DMD: variants seen among roughly 807,000 people sequenced by gnomAD.
The protein encoded by DMD is mutant dystrophin.
A neutral mutation model predicts 330.1 loss-of-function variants in DMD; 63 were observed. The ratio of observed to expected loss-of-function variants is 0.19; its 90% CI spans 0.16 to 0.24. DMD has a LOEUF of 0.24. Among genes scored for constraint, DMD ranks in the 10% least tolerant of loss-of-function variants. DMD has a pLI of 1.00. For missense variants in DMD, 3,344 were observed against 2,684.1 expected (o/e 1.25, Z -5.43); for synonymous variants, 1,223 against 959.8 (o/e 1.27, Z -5.07).
chrX:32,363,069 A>G, intron 36 of DMD, 111 bp from the exon 37 acceptor site: 2 of 659,660 alleles, frequency 3.0e-6, no homozygotes, highest in South Asian at 5.3e-5. Flanking sequence ...AGAGTGAGAA[A>G]GAGAGAGAGA....
intron 1 of DMD, among the ~76,000 whole-genome samples, chrX:33,232,464 C>T (rs983778254): frequency 6.3e-5 from 7 of 111,542 alleles, no homozygotes; most frequent in Admixed American, 4.8e-4. Context: ...TGGGAAAAAA[C>T]GGATTGGAGT....
intron 44 of DMD, among the ~76,000 whole-genome samples, chrX:32,163,363 A>T (rs2096857026): frequency 8.9e-6 from 1 of 111,886 alleles, no homozygotes; most frequent in Admixed American, 9.5e-5. Flanking sequence ...TCTGTTCTCC[A>T]CTCCGTGGCT....
chrX:31,670,848 T>TA (rs2081725439), intron 53 of DMD, among the ~76,000 whole-genome samples: 1 of 111,609 alleles, frequency 9.0e-6, no homozygotes, highest in East Asian at 2.8e-4. Flanking sequence ...CATTTGCAGA[T>TA]ACCTGGGCTC....
intron 47 of DMD, among the ~76,000 whole-genome samples, chrX:31,911,996 C>A (rs568792346): frequency 3.2e-4 from 36 of 111,619 alleles, no homozygotes; most frequent in African/African-American, 1.0e-3. Flanking sequence ...CAACAACAAA[C>A]CATTTCTTGA....
chrX:31,931,474 C>A (rs892225246), intron 46 of DMD, among the ~76,000 whole-genome samples: 2 of 110,202 alleles, frequency 1.8e-5, no homozygotes, highest in African/African-American at 3.3e-5. Flanking sequence ...GAATGTGAAC[C>A]AACACCACGT....
In DMD at chrX:32,917,997, G is replaced by C. The variant is rs990116763; in HGVS notation, c.94-68177C>G. 5.7e-5 allele frequency among the ~76,000 whole-genome samples: 6 copies of C among 105,185 alleles called. No individual in the cohort carries two copies. In the Admixed American group the frequency reaches 6.1e-4, roughly 11 times the overall value. 91.3% of individuals were successfully genotyped at this position (105,185 alleles called of 115,157 possible). On this transcript the variant is annotated intron_variant, in intron 2 of 78. Coordinates refer to ENST00000357033, the MANE Select transcript of DMD (RefSeq NM_004006.3). ...CATCTGCTAGAAAAAAAAAAAAAAA[G>C]AAAGAAAAGGGTTCACTTCCAGATC...
intron 7 of DMD, among the ~76,000 whole-genome samples, chrX:32,763,560 C>G (rs995880): frequency 0.43 from 47,647 of 110,261 alleles, 8,753 homozygotes; most frequent in African/African-American, 0.69. Context: ...AGTAACAACT[C>G]ATCATGCTCT....
chrX:31,302,951 AC>A (rs1421678624), intron 62 of DMD, among the ~76,000 whole-genome samples: 3 of 111,474 alleles, frequency 2.7e-5, no homozygotes, highest in African/African-American at 9.8e-5. Flanking sequence ...GTACAAAAAA[AC>A]AAATGTGTTC....
At chrX:31,311,693 A>G (rs1872647741) in intron 62 of DMD, among the ~76,000 whole-genome samples, 1 of 111,403 alleles carries the variant, frequency 9.0e-6, no homozygotes, top group Admixed American at 9.5e-5. Context: ...GAAGAAGGTC[A>G]TGGTAGTTTG....
At chrX:31,803,643 CCTTT>C (rs1389612349) in intron 50 of DMD, among the ~76,000 whole-genome samples, 104 of 74,754 alleles carry the variant, frequency 1.4e-3, no homozygotes, top group African/African-American at 4.5e-3. Flanking sequence ...TCCCTTCCTT[CCTTT>C]CTTTGTCTTC....
chrX:32,839,956 G>A (rs2080014312), intron 4 of DMD, among the ~76,000 whole-genome samples: 1 of 111,343 alleles, frequency 9.0e-6, no homozygotes, highest in Non-Finnish European at 1.9e-5. Context: ...TGATCCACCC[G>A]CCTGGACCAC....
intron 63 of DMD, among the ~76,000 whole-genome samples, chrX:31,237,396 C>G (rs2047837104): frequency 8.9e-6 from 1 of 112,745 alleles, no homozygotes; most frequent in East Asian, 2.8e-4. Flanking sequence ...CCCATGCATG[C>G]AGAAGCATGT....
At chrX:32,870,958 CAAAAAAAAAAAAAAAAAAA>C (rs745583714) in intron 2 of DMD, among the ~76,000 whole-genome samples, 6 of 14,770 alleles carry the variant, frequency 4.1e-4, no homozygotes, top group African/African-American at 1.5e-3. Context: ...TTCTGTACAG[CAAAAAAAAAAAAAAAAAAA>C]AAAAAAAAAA....
intron 17 of DMD, among the ~76,000 whole-genome samples, chrX:32,533,060 C>T (rs1041502198): frequency 9.0e-6 from 1 of 111,394 alleles, no homozygotes; most frequent in African/African-American, 3.3e-5. Context: ...TTATGATACA[C>T]AAAACCTAAA....
rs201595432 is a variant in DMD, at chrX:32,390,034, C to T, written c.4344+37G>A. The stretch of plus-strand genomic sequence containing the variant: ...ATATAGACTGGAGTATAATGCCCAA[C>T]GAAAACACGTTCCTTAGTTTCTGAA... On this transcript the variant is annotated intron_variant, in intron 31 of 78. Transcript: ENST00000357033. The T allele has an allele frequency of 2.3e-5, 25 of 1,108,060 alleles. No individual in the cohort carries two copies. The African/African-American group carries it at 3.4e-4, about 15-fold the overall frequency. The allele number at this position is 1,108,060 out of a possible 1,213,427, so 91.3% of individuals were successfully genotyped here.
rs184267731 is a variant in DMD, at chrX:31,516,152, A to G, written c.8218-8699T>C. 1.8e-3 allele frequency among the ~76,000 whole-genome samples: 196 copies of G among 110,923 alleles called. 1 individual carries two copies. Among genetic ancestry groups the G allele is most frequent in the African/African-American group, 6.1e-3 (186 of 30,554 alleles). On this transcript the variant is annotated intron_variant, in intron 55 of 78. Transcript: ENST00000357033. ...GCAAATCTTTAGAAACGTGTACAGC[A>G]ATCTAAAAATAAAAAGCATCGGCTT...
chrX:32,151,426 G>A (rs2096803064), intron 44 of DMD: 1 of 111,503 alleles, frequency 9.0e-6, no homozygotes, highest in South Asian at 3.8e-4. Context: ...CAAAAGGTAT[G>A]GTCAGAGTTC....
At chrX:33,147,484 C>A (rs2048090718) in intron 1 of DMD, among the ~76,000 whole-genome samples, 1 of 111,787 alleles carries the variant, frequency 8.9e-6, no homozygotes, top group Admixed American at 9.5e-5. Context: ...TTTTACTGGG[C>A]TAGTAAATAT....
intron 12 of DMD, among the ~76,000 whole-genome samples, chrX:32,597,933 A>T (rs1259225318): frequency 8.9e-6 from 1 of 112,194 alleles, no homozygotes; most frequent in Non-Finnish European, 1.9e-5. Context: ...AGTTTGGGAC[A>T]TTTCCCGTTA....
Sources: gnomAD v4.1 joint callset for allele counts (sites outside exome capture counted in the v4.1 genomes callset) on GRCh38, gnomAD v4.1.1 for gene constraint, MANE v1.5 for transcripts, NCBI Gene and HGNC (gene_info 2026-07-23, HGNC 2026-07-21) for gene names.